Variants in ICE2 observed in about 807,000 individuals in gnomAD.
The protein encoded by ICE2 is interactor of little elongation complex ELL subunit 2, also known as little elongation complex subunit 2.
Under a neutral mutation model 105.4 loss-of-function variants are expected in ICE2, and 87 were observed. That is an observed-to-expected ratio of 0.83 (90% CI 0.69 to 0.99). ICE2 has a LOEUF of 0.99. Among genes scored for constraint, ICE2 ranks in the 50% least tolerant of loss-of-function variants. The pLI, the probability that ICE2 is intolerant of heterozygous loss-of-function variation, is 0.00. For missense variants in ICE2, 1,323 were observed against 1,146.7 expected, an observed-to-expected ratio of 1.15 and a Z score of -2.22; for synonymous variants, 399 against 392.0, an observed-to-expected ratio of 1.02 and a Z score of -0.21.
At chr15:60,427,819 G>A (rs1311307500) in intron 15 of ICE2, among the ~76,000 whole-genome samples, 1 of 152,180 alleles carries the variant, frequency 6.6e-6, no homozygotes, top group Non-Finnish European at 1.5e-5. Flanking sequence ...GGGTTTATAA[G>A]CTTCAGATAA....
chr15:60,431,229 G>T (rs1485332649), intron 14 of ICE2, among the ~76,000 whole-genome samples: 2 of 151,782 alleles, frequency 1.3e-5, no homozygotes, highest in African/African-American at 4.8e-5. Context: ...AGCTATGGTG[G>T]GCTGAATAAT....
Position 60,476,147 on chromosome 15 carries a change from C to T in ICE2, c.62G>A (p.Gly21Asp). 6.2e-7 allele frequency: 1 copy of T among 1,600,248 alleles called. No individual in the cohort carries two copies. Among genetic ancestry groups the T allele is most frequent in the Non-Finnish European group, 8.5e-7 (1 of 1,174,602 alleles). The change falls in exon 3 of 16, where the codon GGC becomes GAC. Residue 21 changes from glycine to aspartate, a missense_variant. Gly to Asp is a moderately conservative substitution (Grantham distance 94, BLOSUM62 -1). Transcript: ENST00000261520. ...TTCTCGAGAGAAAAATGTCTTAAGG[C>T]CATTTTTGGGGGAAATATCCCTGTG... The part of the protein sequence containing the change: ...GLNWDISPKN[G>D]LKTFFSRENY...
intron 11 of ICE2, 62 bp from the exon 12 acceptor site, chr15:60,442,607 T>C (rs1288321686): frequency 3.8e-6 from 5 of 1,320,162 alleles, no homozygotes; most frequent in African/African-American, 1.5e-5. Context: ...GCAAATACAT[T>C]TGCCTATACA....
chr15:60,453,313 A>C, intron 9 of ICE2: 3 of 1,138,836 alleles, frequency 2.6e-6, no homozygotes, highest in Non-Finnish European at 3.2e-6. Flanking sequence ...AGTTTTCACT[A>C]CATACATAAC....
In ICE2 at chr15:60,436,929, A is replaced by G. The variant is rs1326225609; in HGVS notation, c.2426-702T>C. On this transcript the variant is annotated intron_variant, in intron 12 of 15. Coordinates refer to ENST00000261520, the MANE Select transcript of ICE2 (RefSeq NM_024611.6). ...CTAAGACACACTTGGCTCTTAAGGTAAAAATTAGATTATGAAAATCTGGCT... is the reference window on the plus strand; with the variant it reads ...CTAAGACACACTTGGCTCTTAAGGTGAAAATTAGATTATGAAAATCTGGCT... Among the ~76,000 whole-genome samples, 3 of 152,106 alleles carry G rather than the reference A, an allele frequency of 2.0e-5. No individual in the cohort carries two copies. In the East Asian group the frequency reaches 5.8e-4, roughly 29 times the overall value.
At chr15:60,445,558 T>A in intron 11 of ICE2, 1 of 955,920 alleles carries the variant, frequency 1.0e-6, no homozygotes, top group Non-Finnish European at 1.2e-6. Flanking sequence ...ATCAGAAATA[T>A]AAGCCTTCTA....
chr15:60,456,864 C>A lies in ICE2; in HGVS notation c.529-70G>T, dbSNP rs186777030. 2,409 of 912,450 alleles carry A rather than the reference C, an allele frequency of 2.6e-3. 13 individuals are homozygous for A. The highest frequency in any genetic ancestry group is 0.013 in the South Asian group (596 of 46,004). The allele number at this position is 912,450 out of a possible 1,614,324, so 56.5% of individuals were successfully genotyped here. On this transcript the variant is annotated intron_variant, in intron 5 of 15. Coordinates refer to ENST00000261520, the MANE Select transcript of ICE2 (RefSeq NM_024611.6). ...AATGCAAAAAGAAAATTTTTAGTTA[C>A]ATGTGACTATGTAATTATTCATTGC...
In ICE2 at chr15:60,449,113, C is replaced by G; in HGVS notation, c.1854G>C (p.Gln618His). Residue 618 changes from glutamine to histidine, a missense_variant, in exon 10 of 16, where the codon CAG becomes CAC. By Grantham distance (24) the Gln-to-His change is conservative. Transcript: ENST00000261520. The part of the protein sequence containing the change: ...SSSGQASVGN[Q>H]TNTACSPEES... ...CTTCAGGACTACAAGCAGTATTAGT[C>G]TGGTTTCCTACAGAAGCCTGTCCTG... The G allele has an allele frequency of 6.2e-7, 1 of 1,614,016 alleles. No homozygotes were observed. The highest frequency in any genetic ancestry group is 1.1e-5 in the South Asian group (1 of 91,066).
Position 60,468,229 on chromosome 15 carries a change from G to C in ICE2, c.240C>G (p.Thr80=). The C allele has an allele frequency of 6.2e-7, 1 of 1,613,928 alleles. No individual in the cohort carries two copies. Among genetic ancestry groups the C allele is most frequent in the Non-Finnish European group, 8.5e-7 (1 of 1,179,890 alleles). Residue 80 remains threonine, a synonymous_variant, in exon 4 of 16, where the codon ACC becomes ACG. Coordinates refer to ENST00000261520, the MANE Select transcript of ICE2 (RefSeq NM_024611.6). ...TTGGAAGAAGAACCATTCCAATTGT[G>C]GTTTTAACTTTTTCCTTTGCTTGAG... ...SATQAKEKVK[T]TIGMVLLPKP...
intron 5 of ICE2, among the ~76,000 whole-genome samples, chr15:60,459,722 C>T (rs1314811678): frequency 6.6e-6 from 1 of 151,974 alleles, no homozygotes; most frequent in East Asian, 1.9e-4. Flanking sequence ...AGTCAAAATG[C>T]TCTATGATTT....
chr15:60,428,941 G>C (rs1414589918), intron 14 of ICE2, among the ~76,000 whole-genome samples: 1 of 152,090 alleles, frequency 6.6e-6, no homozygotes, highest in Admixed American at 6.5e-5. Context: ...CAATTCGTAA[G>C]TTTTCATTTA....
chr15:60,429,703 T>C (rs1446209116), intron 14 of ICE2, among the ~76,000 whole-genome samples: 1 of 152,194 alleles, frequency 6.6e-6, no homozygotes, highest in Non-Finnish European at 1.5e-5. Flanking sequence ...TTTCATCAAT[T>C]TTTAAACTGA....
Position 60,455,314 on chromosome 15 carries a change from C to G in ICE2, c.783+12G>C, listed in dbSNP as rs2064075131. On this transcript the variant is annotated intron_variant, in intron 7 of 15. Transcript: ENST00000261520. ...ATTATTTAGGAAGATCCAATGTTGC[C>G]TTGGTACTTACATAATGCATAGCTT... 1 of 1,590,258 alleles carries G rather than the reference C, an allele frequency of 6.3e-7. No individual in the cohort carries two copies. The highest frequency in any genetic ancestry group is 1.7e-5 in the Admixed American group (1 of 59,548).
chr15:60,438,605 A>C (rs548078529), intron 12 of ICE2: 1 of 152,374 alleles, frequency 6.6e-6, no homozygotes, highest in South Asian at 2.1e-4. Context: ...GAAGACTAAT[A>C]GTTCTTACCT....
intron 5 of ICE2, among the ~76,000 whole-genome samples, chr15:60,465,080 A>G (rs763722305): frequency 6.6e-6 from 1 of 152,244 alleles, no homozygotes; most frequent in Non-Finnish European, 1.5e-5. Flanking sequence ...AAATTATGAC[A>G]TTCCCTTTGG....
At chr15:60,428,320 G>T in intron 15 of ICE2, 109 bp downstream of exon 15, 1 of 1,181,316 alleles carries the variant, frequency 8.5e-7, no homozygotes, top group Non-Finnish European at 1.2e-6. Flanking sequence ...TTAGAATGGT[G>T]CTGTGATTAA....
intron 12 of ICE2, 39 bp from the exon 13 acceptor site, chr15:60,436,266 G>T (rs768146509): frequency 2.6e-6 from 2 of 771,722 alleles, no homozygotes; most frequent in Non-Finnish European, 4.0e-6. Flanking sequence ...AGAAGCAATT[G>T]CAGTATTTAG....
intron 11 of ICE2, among the ~76,000 whole-genome samples, chr15:60,444,921 C>G (rs977435955): frequency 4.6e-5 from 7 of 152,094 alleles, no homozygotes; most frequent in Non-Finnish European, 8.8e-5. Context: ...CTGAGCTCAG[C>G]TGATCTACCT....
intron 3 of ICE2, among the ~76,000 whole-genome samples, chr15:60,473,587 C>CCGGT (rs1303061858): frequency 2.0e-5 from 3 of 152,074 alleles, no homozygotes; most frequent in Admixed American, 2.0e-4. Context: ...GCCACCTACG[C>CCGGT]CTGACCTGAG....
Sources: gnomAD v4.1 joint callset for allele counts (sites outside exome capture counted in the v4.1 genomes callset) on GRCh38, gnomAD v4.1.1 for gene constraint, MANE v1.5 for transcripts, NCBI Gene and HGNC (gene_info 2026-07-23, HGNC 2026-07-21) for gene names.